The following TRPC4 variants were observed in gnomAD, a reference collection of about 807,000 sequenced individuals.
TRPC4 encodes short transient receptor potential channel 4.
TRPC4 carries 49 observed loss-of-function variants against 99.4 expected under a neutral mutation model. The ratio of observed to expected loss-of-function variants is 0.49; its 90% CI spans 0.39 to 0.63. The LOEUF (loss-of-function observed/expected upper bound fraction) is 0.63, where lower values mean the gene tolerates loss of function less well. TRPC4 is among the 20% of genes least tolerant of loss of function. The probability of loss-of-function intolerance (pLI) is 0.00; values close to 1 mark genes in which losing one functional copy is unlikely to be tolerated. For missense variants in TRPC4, 898 were observed against 1,152.9 expected (o/e 0.78, Z 3.20); for synonymous variants, 454 against 425.9 (o/e 1.07, Z -0.81).
chr13:37,738,420 T>G (rs971423927), intron 3 of TRPC4, among the ~76,000 whole-genome samples: 9 of 152,148 alleles, frequency 5.9e-5, no homozygotes, highest in Admixed American at 1.3e-4. Context: ...CCTGAGAGAG[T>G]CAAGGAAATC....
At chr13:37,645,035 T>C (rs1951829525) in intron 8 of TRPC4, among the ~76,000 whole-genome samples, 1 of 151,340 alleles carries the variant, frequency 6.6e-6, no homozygotes, top group African/African-American at 2.4e-5. Context: ...AGGAAAAATA[T>C]TTTGGAAGAA....
chr13:37,638,144 G>A lies in TRPC4; in HGVS notation c.2212-519C>T, dbSNP rs182277946. Among the ~76,000 whole-genome samples the A allele has an allele frequency of 1.1e-4, 16 of 152,024 alleles. No individual in the cohort carries two copies. The East Asian group carries it at 1.2e-3, about 11-fold the overall frequency. ...GCCTCTACATCCTGGGAATTTCTTC[G>A]GATCTAACAGCATTTCTTAGACTCA... is the stretch of plus-strand genomic sequence containing the variant. On this transcript the variant is annotated intron_variant, in intron 10 of 10. Coordinates refer to ENST00000379705, the MANE Select transcript of TRPC4 (RefSeq NM_016179.4).
intron 8 of TRPC4, among the ~76,000 whole-genome samples, chr13:37,642,566 A>T (rs1951747901): frequency 6.6e-6 from 1 of 152,028 alleles, no homozygotes. Flanking sequence ...TGAGGCAAGG[A>T]GAAGCCTACT....
At chr13:37,728,440 C>T (rs1049613764) in intron 3 of TRPC4, among the ~76,000 whole-genome samples, 1 of 151,534 alleles carries the variant, frequency 6.6e-6, no homozygotes. Context: ...ATAAAAAAAT[C>T]AAAAAGTATA....
Position 37,783,303 on chromosome 13 carries a change from T to G in TRPC4, c.31A>C (p.Asn11His), listed in dbSNP as rs1294016582. MAQFYYKRNV[N>H]APYRDRIPLR... ...GGGATGCGGTCTCTATAGGGAGCAT[T>G]AACATTTCTTTTGTAATAGAACTGA... Residue 11 changes from asparagine to histidine, a missense_variant, in exon 2 of 11, where the codon AAT (asparagine) becomes CAT (histidine). This residue lies in a region of TRPC4 where 278 missense variants were observed against 346.6 expected (regional missense o/e 0.80). Transcript: ENST00000379705. 1.3e-6 allele frequency: 2 copies of G among 1,588,418 alleles called. No homozygotes were observed. The highest frequency in any genetic ancestry group is 1.8e-5 in the Admixed American group (1 of 54,318).
intron 2 of TRPC4, among the ~76,000 whole-genome samples, chr13:37,757,093 A>AAGAC (rs1956116176): frequency 6.6e-6 from 1 of 151,566 alleles, no homozygotes; most frequent in African/African-American, 2.4e-5. Context: ...AATACATTAA[A>AAGAC]AAATATGCAA....
intron 4 of TRPC4, among the ~76,000 whole-genome samples, chr13:37,680,951 T>G (rs897716570): frequency 6.6e-6 from 1 of 152,232 alleles, no homozygotes; most frequent in African/African-American, 2.4e-5. Context: ...AGATAAACTT[T>G]ATTATCTTTA....
chr13:37,856,573 T>TA lies in TRPC4; in HGVS notation c.-28+13021dup, dbSNP rs202233794. On this transcript the variant is annotated intron_variant, in intron 1 of 10. Coordinates refer to ENST00000379705, the MANE Select transcript of TRPC4 (RefSeq NM_016179.4). The stretch of plus-strand genomic sequence containing the variant: ...ATACCAAGACCAGACAAAGACACAT[T>TA]AAAAAAAAAGAAAACTGCAGGCCAA... Among the ~76,000 whole-genome samples the TA allele has an allele frequency of 6.9e-3, 1,026 of 148,626 alleles. 14 individuals carry two copies. Among genetic ancestry groups the TA allele is most frequent in the African/African-American group, 0.024 (962 of 40,720 alleles).
chr13:37,710,951 T>C (rs902571944), intron 3 of TRPC4, among the ~76,000 whole-genome samples: 1 of 151,956 alleles, frequency 6.6e-6, no homozygotes, highest in African/African-American at 2.4e-5. Context: ...AGTTATTCTC[T>C]CTTATACCAG....
In TRPC4 at chr13:37,825,859, T is replaced by A. The variant is rs1029245818; in HGVS notation, c.-27-42499A>T. Reference sequence around the variant, plus strand: ...CTTTCTGTCTCATTGATCTGTCTAATGTTGACAGTGGGGTGTTAAAGTCTC... The same window carrying A: ...CTTTCTGTCTCATTGATCTGTCTAAAGTTGACAGTGGGGTGTTAAAGTCTC... On this transcript the variant is annotated intron_variant, in intron 1 of 10. Transcript: ENST00000379705. Among the ~76,000 whole-genome samples, 103 of 151,536 alleles carry A rather than the reference T, an allele frequency of 6.8e-4. 3 individuals carry two copies. The highest frequency in any genetic ancestry group is 1.2e-4 in the Non-Finnish European group (8 of 67,872).
intron 1 of TRPC4, among the ~76,000 whole-genome samples, chr13:37,839,122 A>AATC (rs1328237475): frequency 2.0e-5 from 3 of 152,178 alleles, no homozygotes; most frequent in African/African-American, 7.2e-5. Flanking sequence ...TAGTATTGAT[A>AATC]TTTTATTACT....
intron 2 of TRPC4, among the ~76,000 whole-genome samples, chr13:37,747,302 T>C (rs1414780577): frequency 6.6e-6 from 1 of 152,174 alleles, no homozygotes; most frequent in Non-Finnish European, 1.5e-5. Context: ...AGTGAGTAAG[T>C]GGAAGGTCTA....
chr13:37,867,393 T>C (rs565646031), intron 1 of TRPC4, among the ~76,000 whole-genome samples: 1 of 152,152 alleles, frequency 6.6e-6, no homozygotes, highest in East Asian at 1.9e-4. Flanking sequence ...TAAATAATCC[T>C]GGCAATTAAA....
chr13:37,810,501 A>G (rs937777841), intron 1 of TRPC4, among the ~76,000 whole-genome samples: 8 of 152,068 alleles, frequency 5.3e-5, no homozygotes, highest in African/African-American at 1.9e-4. Flanking sequence ...TTAGACACCC[A>G]TCGTTCAAAG....
chr13:37,644,425 T>C (rs1188155214), intron 8 of TRPC4, among the ~76,000 whole-genome samples: 3 of 152,228 alleles, frequency 2.0e-5, no homozygotes, highest in Admixed American at 6.5e-5. Flanking sequence ...GCCATTTGCA[T>C]GTTAAACTTT....
At chr13:37,797,231 T>C (rs1957280810) in intron 1 of TRPC4, among the ~76,000 whole-genome samples, 1 of 151,896 alleles carries the variant, frequency 6.6e-6, no homozygotes, top group African/African-American at 2.4e-5. Flanking sequence ...TCATGGCATG[T>C]TAGAGGTATC....
chr13:37,676,961 T>C (rs1485541682), intron 4 of TRPC4, among the ~76,000 whole-genome samples: 1 of 151,620 alleles, frequency 6.6e-6, no homozygotes, highest in Admixed American at 6.6e-5. Context: ...ATACATATAT[T>C]TATTTTTATT....
rs576918790 is a variant in TRPC4, at chr13:37,819,688, G to A, written c.-27-36328C>T. Among the ~76,000 whole-genome samples the A allele has an allele frequency of 5.3e-5, 8 of 152,086 alleles. No homozygotes were observed. The South Asian group carries it at 1.2e-3, about 24-fold the overall frequency. On this transcript the variant is annotated intron_variant, in intron 1 of 10. Transcript: ENST00000379705. ...CCTATCAAATTGGGGAAGATTGGAAGAGGGAGAGGATCAGGAAAACAATGA... is the reference window on the plus strand; with the variant it reads ...CCTATCAAATTGGGGAAGATTGGAAAAGGGAGAGGATCAGGAAAACAATGA...
intron 2 of TRPC4, among the ~76,000 whole-genome samples, chr13:37,782,296 T>C (rs1291696823): frequency 6.6e-6 from 1 of 152,142 alleles, no homozygotes; most frequent in African/African-American, 2.4e-5. Flanking sequence ...GTATTTATAA[T>C]TGTGTGCCAT....
Sources: gnomAD v4.1 joint callset for allele counts (sites outside exome capture counted in the v4.1 genomes callset) on GRCh38, gnomAD v4.1.1 for gene constraint, gnomAD v4.1.1 regional missense constraint, MANE v1.5 for transcripts, NCBI Gene and HGNC (gene_info 2026-07-23, HGNC 2026-07-21) for gene names.